MXRA7: variants seen among roughly 807,000 people sequenced by gnomAD.
MXRA7 encodes the protein matrix remodeling associated 7, also known as matrix-remodeling-associated protein 7.
A neutral mutation model predicts 17.4 loss-of-function variants in MXRA7; 18 were observed. That is an observed-to-expected ratio of 1.03 (90% CI 0.71 to 1.53). MXRA7 has a LOEUF of 1.53. Among genes scored for constraint, MXRA7 ranks in the 40% most tolerant of loss-of-function variants. MXRA7 has a pLI of 0.00. For missense variants in MXRA7, 141 were observed against 209.3 expected (o/e 0.67, Z 2.01); for synonymous variants, 70 against 101.7 (o/e 0.69, Z 1.87).
downstream of MXRA7, chr17:76,676,134 C>T (rs1431230277): frequency 6.6e-6 from 1 of 152,168 alleles, no homozygotes. Flanking sequence ...CAATCCCCTC[C>T]GGTGTCACAG....
At chr17:76,674,086 GA>G (rs930905569) in exon 4 of MXRA7, 3 of 152,332 alleles carry the variant, frequency 2.0e-5, no homozygotes, top group African/African-American at 7.2e-5. Context: ...CCCATCGCTG[GA>G]AAGAGGCTCT....
intron 3 of MXRA7, among the ~76,000 whole-genome samples, chr17:76,682,856 TCGTCCCAGGAGCAGCA>T (rs2076325884): frequency 2.0e-5 from 3 of 152,090 alleles, no homozygotes; most frequent in African/African-American, 7.2e-5. Flanking sequence ...GAGTCTTCCC[TCGTCCCAGGAGCAGCA>T]CCTCGGGCAC....
At chr17:76,674,766 T>C (rs1175859663), downstream of MXRA7, 1 of 152,204 alleles carries the variant, frequency 6.6e-6, no homozygotes, top group African/African-American at 2.4e-5. Flanking sequence ...TTGCCCATGA[T>C]TGGTTGAAAC....
intron 1 of MXRA7, among the ~76,000 whole-genome samples, chr17:76,696,881 C>G (rs576302788): frequency 6.6e-6 from 1 of 152,104 alleles, no homozygotes; most frequent in Non-Finnish European, 1.5e-5. Flanking sequence ...GGAGGCGGCA[C>G]GAACCCAACA....
intron 1 of MXRA7, chr17:76,689,848 A>C (rs894923729): frequency 6.6e-6 from 1 of 152,094 alleles, no homozygotes; most frequent in Non-Finnish European, 1.5e-5. Context: ...CTCTACTAAA[A>C]ATACAAAAAA....
chr17:76,685,041 G>T, intron 3 of MXRA7, 31 bp downstream of exon 3: 1 of 1,592,354 alleles, frequency 6.3e-7, no homozygotes. Context: ...CCAAGAGCCC[G>T]CCAGGCGCCA....
At position 76,704,781 on chromosome 17, in the gene MXRA7, C is replaced by CAA. The variant is rs34446989; in HGVS notation, c.342+5822_342+5823dup. On this transcript the variant is annotated intron_variant, in intron 1 of 3. Coordinates refer to ENST00000449428, the MANE Select transcript of MXRA7 (RefSeq NM_198530.4). ...GGGCGACAAGAGCAAAACTCCGTCT[C>CAA]AAAAAAAAAAAAAAAAAAAAGAATG... Among the ~76,000 whole-genome samples the CAA allele has an allele frequency of 8.1e-3, 747 of 92,684 alleles. 14 individuals carry two copies. The highest frequency in any genetic ancestry group is 0.039 in the South Asian group (103 of 2,656). The allele number at this position is 92,684 out of a possible 152,430, so 60.8% of individuals were successfully genotyped here. A position where few individuals can be genotyped will look rare whatever the true frequency, so the allele number is the denominator to read the frequency against.
Position 76,680,899 on chromosome 17 carries a change from G to A in MXRA7, c.501-20C>T, listed in dbSNP as rs755388582. The A allele has an allele frequency of 1.3e-5, 20 of 1,582,848 alleles. No homozygotes were observed. In the East Asian group the frequency reaches 4.0e-4, roughly 32 times the overall value. ...TCAGTTCTGTAAAGAGAAATGGGGA[G>A]AAAAAGATAATTTATTTTACTCATT... On this transcript the variant is annotated intron_variant, in intron 3 of 3. Transcript: ENST00000449428.
intron 2 of MXRA7, among the ~76,000 whole-genome samples, chr17:76,686,220 T>G (rs574820934): frequency 6.6e-6 from 1 of 152,342 alleles, no homozygotes; most frequent in Non-Finnish European, 1.5e-5. Flanking sequence ...GGCTCATGCC[T>G]GTAATCCCAG....
At chr17:76,683,919 A>C (rs756573832) in intron 3 of MXRA7, 1 of 1,613,812 alleles carries the variant, frequency 6.2e-7, no homozygotes, top group East Asian at 2.2e-5. Flanking sequence ...GTCAGAGGTC[A>C]GCTCAATCCT....
chr17:76,710,548 C>G, intron 1 of MXRA7, 57 bp downstream of exon 1: 1 of 1,217,512 alleles, frequency 8.2e-7, no homozygotes, highest in Non-Finnish European at 1.0e-6. Flanking sequence ...CGGGGAACGG[C>G]AGCGGCAGCC....
intron 2 of MXRA7, among the ~76,000 whole-genome samples, chr17:76,686,230 G>T (rs543731113): frequency 3.3e-4 from 50 of 152,264 alleles, no homozygotes; most frequent in African/African-American, 1.2e-3. Context: ...TGTAATCCCA[G>T]CACCTTGGGA....
At chr17:76,700,835 C>CG (rs2076581934) in intron 1 of MXRA7, among the ~76,000 whole-genome samples, 1 of 151,942 alleles carries the variant, frequency 6.6e-6, no homozygotes, top group African/African-American at 2.4e-5. Context: ...GGGCGGCAGG[C>CG]GGGGGACTTT....
At chr17:76,688,356 G>C in intron 1 of MXRA7, 180 bp from the exon 2 acceptor site, 1 of 1,438,420 alleles carries the variant, frequency 7.0e-7, no homozygotes, top group Non-Finnish European at 9.1e-7. Flanking sequence ...ACAAACGATG[G>C]GCCAAAGTGA....
At chr17:76,705,547 T>C (rs1353077554) in intron 1 of MXRA7, among the ~76,000 whole-genome samples, 1 of 152,184 alleles carries the variant, frequency 6.6e-6, no homozygotes, top group Non-Finnish European at 1.5e-5. Context: ...TGCAAATCTA[T>C]CTGTTGAAGT....
Position 76,706,192 on chromosome 17 carries a change from TCA to T in MXRA7, c.342+4411_342+4412del, listed in dbSNP as rs1328684058. Among the ~76,000 whole-genome samples the T allele has an allele frequency of 2.7e-5, 4 of 149,210 alleles. 1 individual carries two copies. The highest frequency in any genetic ancestry group is 6.0e-5 in the Non-Finnish European group (4 of 67,046). The stretch of plus-strand genomic sequence containing the variant: ...GCCGTCACAGAGGCCCACGCTGCCA[TCA>T]CAGAGGCCCACGCTGCCATCACAAA... On this transcript the variant is annotated intron_variant, in intron 1 of 3. Coordinates refer to ENST00000449428, the MANE Select transcript of MXRA7 (RefSeq NM_198530.4).
At chr17:76,693,864 A>C (rs1485213436) in intron 1 of MXRA7, among the ~76,000 whole-genome samples, 2 of 152,298 alleles carry the variant, frequency 1.3e-5, no homozygotes, top group East Asian at 3.9e-4. Flanking sequence ...CAAAACAACA[A>C]CACAACAAAA....
intron 1 of MXRA7, among the ~76,000 whole-genome samples, chr17:76,700,901 C>T (rs546252311): frequency 9.2e-5 from 14 of 151,890 alleles, no homozygotes; most frequent in African/African-American, 2.2e-4. Flanking sequence ...ACCGACTGCG[C>T]GGAGGCTCAG....
intron 1 of MXRA7, chr17:76,689,317 C>G (rs578124584): frequency 6.6e-6 from 1 of 152,312 alleles, no homozygotes; most frequent in Non-Finnish European, 1.5e-5. Flanking sequence ...GGTCTCGAAC[C>G]CCTGACCTCA....
Sources: allele counts gnomAD v4.1 joint callset (sites outside exome capture counted in the v4.1 genomes callset), GRCh38; gene constraint gnomAD v4.1.1; transcripts MANE v1.5; gene names NCBI Gene and HGNC (gene_info 2026-07-23, HGNC 2026-07-21).